The following PCDHGB5 variants were observed in gnomAD, a reference collection of about 807,000 sequenced individuals.
The protein encoded by PCDHGB5 is protocadherin gamma subfamily B, 5.
A neutral mutation model predicts 62.9 loss-of-function variants in PCDHGB5; 48 were observed. The observed-to-expected ratio is 0.76, with a 90% confidence interval of 0.61 to 0.97. The LOEUF (loss-of-function observed/expected upper bound fraction) is 0.97, where lower values mean the gene tolerates loss of function less well. PCDHGB5 is among the 50% of genes least tolerant of loss of function. PCDHGB5 has a pLI of 0.00. For missense variants in PCDHGB5, 1,118 were observed against 1,198.6 expected, an observed-to-expected ratio of 0.93 and a Z score of 0.99; for synonymous variants, 474 against 511.2, an observed-to-expected ratio of 0.93 and a Z score of 0.98.
intron 1 of PCDHGB5, among the ~76,000 whole-genome samples, chr5:141,433,690 A>G (rs951380027): frequency 2.0e-5 from 3 of 152,088 alleles, no homozygotes; most frequent in African/African-American, 7.2e-5. Flanking sequence ...ATACAAAATT[A>G]GCCGGGCGTG....
chr5:141,506,266 T>A (rs1397052417), intron 3 of PCDHGB5, among the ~76,000 whole-genome samples: 1 of 151,862 alleles, frequency 6.6e-6, no homozygotes, highest in Non-Finnish European at 1.5e-5. Context: ...CTGGCCAACA[T>A]AGTGAAACCC....
In PCDHGB5 at chr5:141,419,435, C is replaced by A. The variant is rs2096382649; in HGVS notation, c.2397+18911C>A. The A allele has an allele frequency of 2.5e-6, 4 of 1,613,108 alleles. No individual in the cohort carries two copies. In the African/African-American group the frequency reaches 4.0e-5, roughly 16 times the overall value. ...GCGCGCCTTCGACCACGAGCAGCTG[C>A]GCACCTTCGAGCTCACGCTGCAGGC... is the stretch of plus-strand genomic sequence containing the variant. On this transcript the variant is annotated intron_variant, in intron 1 of 3. Transcript: ENST00000617380.
In PCDHGB5 at chr5:141,399,460, G is replaced by T. The variant is rs1465606526; in HGVS notation, c.1333G>T (p.Ala445Ser). Residue 445 changes from alanine to serine, a missense_variant, in exon 1 of 4, where the codon GCT becomes TCT. Ala to Ser is a moderately conservative substitution (Grantham distance 99, BLOSUM62 1). Transcript: ENST00000617380. Reference sequence around the variant, plus strand: ...ACATATCAGAGACGTCAACGATAACGCTCCGGTTTTCCACCAGGCGTCCTA... The same window carrying T: ...ACATATCAGAGACGTCAACGATAACTCTCCGGTTTTCCACCAGGCGTCCTA... ...ILHIRDVNDNAPVFHQASYLV... is the reference protein window; with the variant it reads ...ILHIRDVNDNSPVFHQASYLV... 1 of 1,613,962 alleles carries T rather than the reference G, an allele frequency of 6.2e-7. No homozygotes were observed. The highest frequency in any genetic ancestry group is 1.6e-4 in the Middle Eastern group (1 of 6,062).
rs767892593 is a variant in PCDHGB5, at chr5:141,400,152, T to C, written c.2025T>C (p.Pro675=). 8 of 1,614,064 alleles carry C rather than the reference T, an allele frequency of 5.0e-6. 1 individual carries two copies. In the South Asian group the frequency reaches 6.6e-5, roughly 13 times the overall value. Reference sequence around the variant, plus strand: ...TGCTGCCGGATATCACTGACCGCCCTGTACCCTCTGACCCCCAGGCTGAGC... The same window carrying C: ...TGCTGCCGGATATCACTGACCGCCCCGTACCCTCTGACCCCCAGGCTGAGC... ...QEVLPDITDR[P]VPSDPQAELQ... Residue 675 remains proline, a synonymous_variant, in exon 1 of 4, where the codon CCT becomes CCC. Transcript: ENST00000617380.
At chr5:141,506,306 G>A (rs539365378) in intron 3 of PCDHGB5, among the ~76,000 whole-genome samples, 4 of 152,040 alleles carry the variant, frequency 2.6e-5, no homozygotes, top group Non-Finnish European at 5.9e-5. Flanking sequence ...AAAATTAGCT[G>A]GGCATGGTGG....
chr5:141,399,569 G>A lies in PCDHGB5; in HGVS notation c.1442G>A (p.Gly481Asp), dbSNP rs1192197329. The A allele has an allele frequency of 6.2e-7, 1 of 1,613,888 alleles. No homozygotes were observed. The highest frequency in any genetic ancestry group is 8.5e-7 in the Non-Finnish European group (1 of 1,179,882). The part of the protein sequence containing the change: ...CASDLDLGLN[G>D]QVSYSIMASD... ...TCGGACCTGGACTTGGGGTTGAACGGCCAAGTCTCCTACTCTATCATGGCC... is the reference window on the plus strand; with the variant it reads ...TCGGACCTGGACTTGGGGTTGAACGACCAAGTCTCCTACTCTATCATGGCC... Residue 481 changes from glycine to aspartate, a missense_variant, in exon 1 of 4, where the codon GGC becomes GAC. Gly to Asp is a moderately conservative substitution (Grantham distance 94). Transcript: ENST00000617380.
At chr5:141,405,795 G>T (rs2094718009) in intron 1 of PCDHGB5, among the ~76,000 whole-genome samples, 1 of 149,108 alleles carries the variant, frequency 6.7e-6, no homozygotes, top group African/African-American at 2.4e-5. Context: ...TTCTATTATA[G>T]TTAGCTTTCT....
chr5:141,455,244 T>C (rs977940552), intron 1 of PCDHGB5, among the ~76,000 whole-genome samples: 1 of 152,142 alleles, frequency 6.6e-6, no homozygotes, highest in Admixed American at 6.5e-5. Flanking sequence ...TTAAAGGTCA[T>C]AGTACAATCG....
intron 1 of PCDHGB5, chr5:141,415,759 T>TTG (rs2095938229): frequency 3.7e-6 from 5 of 1,352,054 alleles, no homozygotes; most frequent in Non-Finnish European, 4.8e-6. Flanking sequence ...TTTTTTTTTT[T>TTG]TTTTTTTTTT....
chr5:141,442,153 C>T, intron 1 of PCDHGB5: 1 of 158,698 alleles, frequency 6.3e-6, no homozygotes, highest in Non-Finnish European at 1.4e-5. Flanking sequence ...CAGACCTCAG[C>T]GATCACTCTG....
chr5:141,475,098 C>G (rs1252108172), intron 1 of PCDHGB5, among the ~76,000 whole-genome samples: 1 of 152,108 alleles, frequency 6.6e-6, no homozygotes, highest in East Asian at 1.9e-4. Flanking sequence ...TTATAAAGAT[C>G]CTAGGTGGTA....
intron 2 of PCDHGB5, among the ~76,000 whole-genome samples, chr5:141,499,209 C>G (rs1171702973): frequency 6.6e-6 from 1 of 152,096 alleles, no homozygotes; most frequent in Admixed American, 6.5e-5. Context: ...GGCTGTAACC[C>G]AGGCCCTGCC....
intron 1 of PCDHGB5, among the ~76,000 whole-genome samples, chr5:141,469,311 T>C (rs970450899): frequency 3.3e-5 from 5 of 152,040 alleles, no homozygotes; most frequent in Admixed American, 3.3e-4. Context: ...GCACGATGGC[T>C]CACGCCTGTA....
rs371821042 is a variant in PCDHGB5, at chr5:141,421,764, T to C, written c.2397+21240T>C. The C allele has an allele frequency of 8.7e-6, 14 of 1,613,782 alleles. No individual in the cohort carries two copies. The African/African-American group carries it at 1.5e-4, about 17-fold the overall frequency. ...ACCAGCTCAGCCCTAATAATTACTT[T>C]TCCTTGCAACTGCGGGGCAGAACGG... On this transcript the variant is annotated intron_variant, in intron 1 of 3. Transcript: ENST00000617380.
In PCDHGB5 at chr5:141,510,980, G is replaced by A; in HGVS notation, c.2579G>A (p.Gly860Asp). The change falls in exon 4 of 4, where the codon GGT becomes GAT. Residue 860 changes from glycine (G) to aspartate (D), a missense_variant. Around this residue, in one of 2 missense-constraint regions of PCDHGB5, gnomAD observed 1,034 missense variants for 1,029.1 expected, o/e 1.00. Transcript: ENST00000617380. ...AADGSSTLGGGAGTMGLSARY... is the reference protein window; with the variant it reads ...AADGSSTLGGDAGTMGLSARY... ...GATGGGAGCTCCACCCTGGGAGGGG[G>A]TGCCGGCACCATGGGATTGAGCGCC... 1 of 1,614,170 alleles carries A rather than the reference G, an allele frequency of 6.2e-7. No homozygotes were observed.
chr5:141,478,146 T>C (rs1457995929), intron 1 of PCDHGB5: 1 of 1,613,978 alleles, frequency 6.2e-7, no homozygotes, highest in Non-Finnish European at 8.5e-7. Context: ...CGAGCCGAGT[T>C]CCCCTCTGGC....
At chr5:141,427,007 C>T (rs1215109574) in intron 1 of PCDHGB5, 2 of 456,668 alleles carry the variant, frequency 4.4e-6, no homozygotes, top group Admixed American at 2.3e-5. Flanking sequence ...CAGTTTTTAG[C>T]CAGGATGTAT....
intron 1 of PCDHGB5, among the ~76,000 whole-genome samples, chr5:141,405,769 C>T (rs1363688527): frequency 2.6e-5 from 4 of 152,080 alleles, no homozygotes; most frequent in Non-Finnish European, 2.9e-5. Context: ...TGAGCCACTG[C>T]GCCTGGCCCT....
intron 1 of PCDHGB5, among the ~76,000 whole-genome samples, chr5:141,492,824 C>T (rs1027583244): frequency 4.6e-5 from 7 of 152,236 alleles, no homozygotes. Context: ...ACCAGCGGCC[C>T]CTTCCTCCCG....
Sources: gnomAD v4.1 joint callset for allele counts (sites outside exome capture counted in the v4.1 genomes callset) on GRCh38, gnomAD v4.1.1 for gene constraint, gnomAD v4.1.1 regional missense constraint, MANE v1.5 for transcripts, NCBI Gene and HGNC (gene_info 2026-07-23, HGNC 2026-07-21) for gene names.